CIROZ: variants seen among roughly 807,000 people sequenced by gnomAD.
CIROZ encodes ciliated left-right organizer protein containing ZP-N domains, also known as ciliated left-right organizer ZP-N domains-containing protein.
the CIROZ span, among the ~76,000 whole-genome samples, chr1:10,977,178 C>A: frequency 6.6e-6 from 1 of 152,046 alleles, no homozygotes; most frequent in Non-Finnish European, 1.5e-5. Flanking sequence ...CAGGTGTGAG[C>A]CACCATGCCT....
At chr1:10,966,507 G>A in the CIROZ span, 66 of 1,524,446 alleles carry the variant, frequency 4.3e-5, no homozygotes, top group Non-Finnish European at 5.5e-5. Context: ...GGACAGAAAC[G>A]TGGGTTGAGC....
At chr1:10,962,609 C>G in the CIROZ span, among the ~76,000 whole-genome samples, 7 of 152,284 alleles carry the variant, frequency 4.6e-5, no homozygotes, top group Non-Finnish European at 1.0e-4. Context: ...TAGGTTGTGC[C>G]TGTTCCAGCA....
the CIROZ span, chr1:10,957,883 G>C: frequency 9.3e-7 from 1 of 1,077,374 alleles, no homozygotes; most frequent in South Asian, 1.6e-5. Context: ...TCTAGGCCAG[G>C]AGGCAGGACG....
At chr1:10,969,097 C>T in the CIROZ span, among the ~76,000 whole-genome samples, 1 of 152,132 alleles carries the variant, frequency 6.6e-6, no homozygotes, top group East Asian at 1.9e-4. Flanking sequence ...TAGGCCCTAC[C>T]GGTCCCAGAA....
the CIROZ span, among the ~76,000 whole-genome samples, chr1:10,978,029 C>T: frequency 2.6e-5 from 4 of 151,836 alleles, no homozygotes; most frequent in African/African-American, 4.8e-5. Context: ...ATTAGCCAGG[C>T]GTGATGGCAC....
At chr1:10,974,562 G>A in the CIROZ span, among the ~76,000 whole-genome samples, 1 of 152,136 alleles carries the variant, frequency 6.6e-6, no homozygotes, top group Admixed American at 6.5e-5. The surrounding 1 kb of genome is among the most constrained non-coding windows in gnomAD (Gnocchi z 4.4). Flanking sequence ...CCACTCCTCT[G>A]AGCTGTTCTA....
the CIROZ span, among the ~76,000 whole-genome samples, chr1:10,963,900 C>T: frequency 1.3e-5 from 2 of 152,126 alleles, no homozygotes; most frequent in Non-Finnish European, 2.9e-5. Flanking sequence ...TTTAATCCCC[C>T]CTCCCCTCCC....
At chr1:10,975,184 G>A in the CIROZ span, among the ~76,000 whole-genome samples, 1 of 152,044 alleles carries the variant, frequency 6.6e-6, no homozygotes, top group African/African-American at 2.4e-5. Flanking sequence ...GAGGCGGGTG[G>A]ATCACAAGGT....
chr1:10,978,565 C>T, the CIROZ span, among the ~76,000 whole-genome samples: 1 of 151,876 alleles, frequency 6.6e-6, no homozygotes, highest in East Asian at 1.9e-4. Flanking sequence ...TTAAAATTAA[C>T]CTGGTGTGGT....
chr1:10,957,890 G>A, the CIROZ span: 2 of 976,942 alleles, frequency 2.0e-6, no homozygotes, highest in Non-Finnish European at 3.0e-6. Context: ...CAGGAGGCAG[G>A]ACGGCAGGCC....
chr1:10,951,745 A>AAAAAAAAAAATATAT, the CIROZ span, among the ~76,000 whole-genome samples: 16 of 119,162 alleles, frequency 1.3e-4, no homozygotes, highest in South Asian at 2.6e-4. Context: ...AAAAAAAAAA[A>AAAAAAAAAAATATAT]ATATATATAT....
chr1:10,947,330 C>T, the CIROZ span, among the ~76,000 whole-genome samples: 13,481 of 152,286 alleles, frequency 0.089, 1,077 homozygotes, highest in African/African-American at 0.21. Context: ...GGAGACACTG[C>T]CCTGCACTCA....
chr1:10,980,380 A>G, the CIROZ span, among the ~76,000 whole-genome samples: 1 of 152,226 alleles, frequency 6.6e-6, no homozygotes, highest in Non-Finnish European at 1.5e-5. Flanking sequence ...AGCCTCTCCC[A>G]TGGACGGCCG....
the CIROZ span, among the ~76,000 whole-genome samples, chr1:10,979,644 A>C: frequency 2.6e-5 from 4 of 152,196 alleles, no homozygotes; most frequent in Non-Finnish European, 5.9e-5. Flanking sequence ...TGTTGACAGC[A>C]GTGCTATTAT....
At chr1:10,976,700 G>GA in the CIROZ span, among the ~76,000 whole-genome samples, 739 of 102,788 alleles carry the variant, frequency 7.2e-3, 16 homozygotes, top group South Asian at 0.097. Flanking sequence ...GCCAAGAGAC[G>GA]AAAAAAAAAA....
At chr1:10,964,306 G>T in the CIROZ span, 1 of 1,573,822 alleles carries the variant, frequency 6.4e-7, no homozygotes. Flanking sequence ...ATGCAAATGA[G>T]AGAGGAAAAT....
the CIROZ span, among the ~76,000 whole-genome samples, chr1:10,978,849 G>C: frequency 6.6e-6 from 1 of 152,202 alleles, no homozygotes; most frequent in African/African-American, 2.4e-5. Context: ...AGTGGAACTA[G>C]AGCCAGTGAC....
At chr1:10,959,155 A>G in the CIROZ span, among the ~76,000 whole-genome samples, 1 of 152,044 alleles carries the variant, frequency 6.6e-6, no homozygotes, top group Non-Finnish European at 1.5e-5. The surrounding 1 kb of genome is among the most constrained non-coding windows in gnomAD (Gnocchi z 4.3). Context: ...TTTGGATCCA[A>G]CTAGCAGAAG....
chr1:10,981,960 C>T, the CIROZ span: 23 of 1,534,794 alleles, frequency 1.5e-5, no homozygotes, highest in Admixed American at 2.0e-5. Context: ...GGAGTGTGGG[C>T]ACACTAAGCA....
Sources: gnomAD v4.1 joint callset for allele counts (sites outside exome capture counted in the v4.1 genomes callset) on GRCh38, gnomAD v4.1.1 for gene constraint, Gnocchi (gnomAD v3.1) non-coding constraint, MANE v1.5 for transcripts, NCBI Gene and HGNC (gene_info 2026-07-23, HGNC 2026-07-21) for gene names.